The following GLIS1 variants were observed in gnomAD, a reference collection of about 807,000 sequenced individuals.
GLIS1 encodes the protein zinc finger protein GLIS1.
GLIS1 carries 24 observed loss-of-function variants against 63.8 expected under a neutral mutation model. That is an observed-to-expected ratio of 0.38 (90% confidence interval 0.27 to 0.53). GLIS1 has a LOEUF of 0.53. GLIS1 is among the 20% of genes least tolerant of loss of function. GLIS1 has a pLI of 0.85. For missense variants in GLIS1, 1,036 were observed against 1,074.1 expected, an observed-to-expected ratio of 0.96 and a Z score of 0.50; for synonymous variants, 450 against 482.5, an observed-to-expected ratio of 0.93 and a Z score of 0.88.
At chr1:53,605,199 T>G (rs565928695) in intron 2 of GLIS1, among the ~76,000 whole-genome samples, 78 of 152,170 alleles carry the variant, frequency 5.1e-4, no homozygotes, top group Non-Finnish European at 9.1e-4. Context: ...TGGCTCCTGG[T>G]GGGCATTCAA....
chr1:53,689,690 C>T (rs925443430), intron 2 of GLIS1, among the ~76,000 whole-genome samples: 2 of 152,168 alleles, frequency 1.3e-5, no homozygotes, highest in African/African-American at 2.4e-5. Flanking sequence ...GCAAACCGAG[C>T]CCCTCTCTGG....
In GLIS1 at chr1:53,646,592, T is replaced by C. The variant is rs941360731; in HGVS notation, c.260-46314A>G. 6.6e-6 allele frequency among the ~76,000 whole-genome samples: 1 copy of C among 152,086 alleles called. No individual in the cohort carries two copies. Among genetic ancestry groups the C allele is most frequent in the African/African-American group, 2.4e-5 (1 of 41,420 alleles). Reference sequence around the variant, plus strand: ...TGGGAGGCTAAGGTGGGTGGATCAGTTGAGGTCAGGAGTTTGAGACCAGCC... The same window carrying C: ...TGGGAGGCTAAGGTGGGTGGATCAGCTGAGGTCAGGAGTTTGAGACCAGCC... On this transcript the variant is annotated intron_variant, in intron 2 of 10. Transcript: ENST00000628545. This position sits in a 1 kb window ranked among gnomAD's most constrained non-coding sequence, Gnocchi z 4.2.
At chr1:53,705,125 G>C (rs990562585) in intron 2 of GLIS1, among the ~76,000 whole-genome samples, 5 of 152,128 alleles carry the variant, frequency 3.3e-5, no homozygotes, top group African/African-American at 1.2e-4. Context: ...GGAAGATCTG[G>C]CACATTCTAA....
chr1:53,558,135 C>T (rs1047648169), intron 4 of GLIS1, among the ~76,000 whole-genome samples: 4 of 152,174 alleles, frequency 2.6e-5, no homozygotes, highest in Non-Finnish European at 4.4e-5. Flanking sequence ...ACACACGCAA[C>T]GTGCAAACAA....
intron 4 of GLIS1, among the ~76,000 whole-genome samples, chr1:53,549,378 A>T (rs756217890): frequency 1.3e-5 from 2 of 152,248 alleles, no homozygotes; most frequent in Non-Finnish European, 2.9e-5. Flanking sequence ...GCTACTGCAC[A>T]ATTGCACATT....
chr1:53,531,346 G>A (rs907808727), intron 4 of GLIS1, among the ~76,000 whole-genome samples: 1 of 152,252 alleles, frequency 6.6e-6, no homozygotes, highest in Non-Finnish European at 1.5e-5. Flanking sequence ...GCTGGTAGCA[G>A]CCGTGTTACC....
chr1:53,669,467 G>C (rs1449674410), intron 2 of GLIS1, among the ~76,000 whole-genome samples: 2 of 152,172 alleles, frequency 1.3e-5, no homozygotes, highest in African/African-American at 4.8e-5. Context: ...AGAGAGAAGG[G>C]GAGATCTGTC....
rs1645231655 is a variant in GLIS1 at position 53,594,560 on chromosome 1, C to T, written c.868G>A (p.Gly290Ser). 6.3e-7 allele frequency: 1 copy of T among 1,599,908 alleles called. No individual in the cohort carries two copies. Among genetic ancestry groups the T allele is most frequent in the Non-Finnish European group, 8.5e-7 (1 of 1,169,838 alleles). ...CCAGGCCGGGCCCGCTTGGAAGGGC[C>T]CCCCAGATCTCCCGTCAGAGGGGGG... ...RSPPLTGDLG[G>S]PSKRARPGPA... is the part of the protein sequence containing the mutation. The change falls in exon 4 of 11, where the codon GGC becomes AGC. Residue 290 changes from glycine to serine, a missense_variant. Gly to Ser is a moderately conservative substitution (Grantham distance 56, BLOSUM62 0). Around this residue, in one of 3 missense-constraint regions of GLIS1, gnomAD observed 592 missense variants for 593.9 expected, o/e 1.00. Coordinates refer to ENST00000628545, the MANE Select transcript of GLIS1 (RefSeq NM_001367484.1).
intron 2 of GLIS1, among the ~76,000 whole-genome samples, chr1:53,720,012 C>A (rs546734662): frequency 6.6e-6 from 1 of 152,170 alleles, no homozygotes; most frequent in African/African-American, 2.4e-5. Context: ...CCCGTCTCTA[C>A]TAAAAATACA....
At chr1:53,667,530 T>C (rs1443063416) in intron 2 of GLIS1, among the ~76,000 whole-genome samples, 2 of 152,196 alleles carry the variant, frequency 1.3e-5, no homozygotes, top group South Asian at 2.1e-4. Flanking sequence ...CCAAGGTCCA[T>C]TCCCAACCTT....
intron 5 of GLIS1, among the ~76,000 whole-genome samples, chr1:53,529,123 C>T (rs112285603): frequency 1.6e-4 from 25 of 152,306 alleles, no homozygotes; most frequent in African/African-American, 4.6e-4. Context: ...TTTTAGAAAG[C>T]GCTCTATTAA....
At chr1:53,551,564 G>A (rs1315309713) in intron 4 of GLIS1, among the ~76,000 whole-genome samples, 2 of 152,172 alleles carry the variant, frequency 1.3e-5, no homozygotes, top group Non-Finnish European at 2.9e-5. Context: ...GTTGCTTAGA[G>A]CCCTGGGGCT....
chr1:53,581,552 G>A (rs3006884), intron 4 of GLIS1, among the ~76,000 whole-genome samples: 123,497 of 152,192 alleles, frequency 0.81, 51,286 homozygotes, highest in East Asian at 0.92. Context: ...CTCAAGTTTG[G>A]CTGGAGGACA....
At chr1:53,637,738 C>T (rs183999586) in intron 2 of GLIS1, among the ~76,000 whole-genome samples, 4 of 152,290 alleles carry the variant, frequency 2.6e-5, no homozygotes, top group South Asian at 2.1e-4. Flanking sequence ...CTGGTGGCCT[C>T]GCAGTGACTG....
intron 4 of GLIS1, among the ~76,000 whole-genome samples, chr1:53,555,312 C>G (rs1238680153): frequency 6.6e-6 from 1 of 152,118 alleles, no homozygotes; most frequent in Non-Finnish European, 1.5e-5. Flanking sequence ...GGGCGGATCA[C>G]GAGGTCAGGA....
At chr1:53,571,243 A>G (rs571292624) in intron 4 of GLIS1, among the ~76,000 whole-genome samples, 8 of 152,360 alleles carry the variant, frequency 5.3e-5, no homozygotes, top group East Asian at 1.9e-4. Flanking sequence ...GCATAGTTAC[A>G]TAACATTTTT....
chr1:53,700,596 G>A (rs984743405), intron 2 of GLIS1, among the ~76,000 whole-genome samples: 1 of 152,116 alleles, frequency 6.6e-6, no homozygotes, highest in Non-Finnish European at 1.5e-5. Flanking sequence ...CAGGAGTTTG[G>A]TTTTTTGCTC....
intron 4 of GLIS1, among the ~76,000 whole-genome samples, chr1:53,584,294 G>GC (rs1645113093): frequency 6.6e-6 from 1 of 152,140 alleles, no homozygotes; most frequent in African/African-American, 2.4e-5. Context: ...TCTGCCCTCA[G>GC]CCCCCATGCA....
intron 2 of GLIS1, among the ~76,000 whole-genome samples, chr1:53,735,217 C>T (rs1360605798): frequency 6.6e-6 from 1 of 152,214 alleles, no homozygotes; most frequent in African/African-American, 2.4e-5. Flanking sequence ...CTGGCTAGCA[C>T]ACCACAGTTA....
Sources: gnomAD v4.1 joint callset for allele counts (sites outside exome capture counted in the v4.1 genomes callset) on GRCh38, gnomAD v4.1.1 for gene constraint, gnomAD v4.1.1 regional missense constraint, Gnocchi (gnomAD v3.1) non-coding constraint, MANE v1.5 for transcripts, NCBI Gene and HGNC (gene_info 2026-07-23, HGNC 2026-07-21) for gene names.